Variants in KCMF1 observed in about 807,000 individuals in gnomAD.
KCMF1 encodes E3 ubiquitin-protein ligase KCMF1.
KCMF1 carries 3 observed loss-of-function variants against 41.1 expected under a neutral mutation model. That is an observed-to-expected ratio of 0.07 (90% CI 0.03 to 0.19). KCMF1 has a LOEUF of 0.19. Among genes scored for constraint, KCMF1 ranks in the 10% least tolerant of loss-of-function variants. The pLI is 1.00. For synonymous variants in KCMF1, 142 were observed against 164.5 expected (o/e 0.86, Z 1.04); for missense variants, 286 against 488.9 (o/e 0.58, Z 3.91).
At chr2:84,988,909 A>G (rs190286792) in intron 1 of KCMF1, among the ~76,000 whole-genome samples, 3 of 152,364 alleles carry the variant, frequency 2.0e-5, no homozygotes, top group Non-Finnish European at 1.5e-5. Flanking sequence ...GAGACTTTGT[A>G]TAAACAGATG....
intron 1 of KCMF1, among the ~76,000 whole-genome samples, chr2:85,011,173 C>A (rs1022750275): frequency 6.6e-6 from 1 of 152,102 alleles, no homozygotes; most frequent in Non-Finnish European, 1.5e-5. Flanking sequence ...TCTTGATGCT[C>A]AAATTGTCCC....
At chr2:84,984,233 T>C (rs1047025955) in intron 1 of KCMF1, among the ~76,000 whole-genome samples, 8 of 151,938 alleles carry the variant, frequency 5.3e-5, no homozygotes, top group African/African-American at 1.9e-4. Context: ...TAGAAGTTTC[T>C]TTGAAAAAAT....
intron 3 of KCMF1, among the ~76,000 whole-genome samples, chr2:85,035,499 T>A (rs1675385506): frequency 6.6e-6 from 1 of 152,230 alleles, no homozygotes. Context: ...GCTATCTGCT[T>A]AACTTTTCTT....
At chr2:84,979,641 C>T (rs1673653261) in intron 1 of KCMF1, among the ~76,000 whole-genome samples, 2 of 151,832 alleles carry the variant, frequency 1.3e-5, no homozygotes, top group African/African-American at 2.4e-5. Flanking sequence ...GAATGCTGTT[C>T]CTAATAAAAG....
chr2:85,046,385 T>G (rs1299931308), intron 5 of KCMF1, 107 bp downstream of exon 5: 19 of 792,044 alleles, frequency 2.4e-5, no homozygotes, highest in Non-Finnish European at 3.8e-5. Flanking sequence ...ATCCCAGCAC[T>G]CTGGGAGGCT....
At chr2:84,989,162 TGC>T (rs1673976489) in intron 1 of KCMF1, among the ~76,000 whole-genome samples, 1 of 152,178 alleles carries the variant, frequency 6.6e-6, no homozygotes, top group Non-Finnish European at 1.5e-5. Context: ...TGTGGAGATG[TGC>T]TGGGCACTGG....
chr2:85,019,016 C>T (rs1316464161), intron 1 of KCMF1, among the ~76,000 whole-genome samples: 3 of 151,944 alleles, frequency 2.0e-5, no homozygotes, highest in Non-Finnish European at 4.4e-5. Context: ...GGATTACAGG[C>T]GTGAGCCACC....
chr2:85,016,511 G>A (rs1488982319), intron 1 of KCMF1, among the ~76,000 whole-genome samples: 3 of 151,716 alleles, frequency 2.0e-5, no homozygotes, highest in Admixed American at 6.6e-5. Context: ...TGATTCTTAA[G>A]TAGAAGATGA....
chr2:85,006,295 CT>C (rs1163405427), intron 1 of KCMF1, among the ~76,000 whole-genome samples: 2,388 of 94,232 alleles, frequency 0.025, 19 homozygotes, highest in African/African-American at 0.1. Flanking sequence ...TTCTCATTTT[CT>C]TTTTTTTTTT....
At chr2:84,993,187 AG>A (rs1443343219) in intron 1 of KCMF1, among the ~76,000 whole-genome samples, 2 of 151,634 alleles carry the variant, frequency 1.3e-5, no homozygotes, top group East Asian at 3.9e-4. Flanking sequence ...ACCCTGTGTC[AG>A]AAAAAAAAAA....
intron 1 of KCMF1, among the ~76,000 whole-genome samples, chr2:85,007,726 A>C (rs1473847554): frequency 6.6e-6 from 1 of 152,152 alleles, no homozygotes; most frequent in African/African-American, 2.4e-5. Flanking sequence ...GTGTGATTTT[A>C]TGTATGTATG....
At chr2:84,980,232 G>A (rs1673695686) in intron 1 of KCMF1, among the ~76,000 whole-genome samples, 1 of 152,188 alleles carries the variant, frequency 6.6e-6, no homozygotes, top group Admixed American at 6.5e-5. Context: ...ACATGAGAAG[G>A]AAGTGAGGAG....
intron 1 of KCMF1, among the ~76,000 whole-genome samples, chr2:84,975,314 G>C (rs1234984556): frequency 6.6e-6 from 1 of 152,152 alleles, no homozygotes; most frequent in African/African-American, 2.4e-5. Flanking sequence ...CCCTAGACTG[G>C]CGCTTTAGAG....
chr2:84,996,281 A>C (rs1375581670), intron 1 of KCMF1, among the ~76,000 whole-genome samples: 1 of 152,158 alleles, frequency 6.6e-6, no homozygotes, highest in Non-Finnish European at 1.5e-5. Flanking sequence ...CTCCCTCTAA[A>C]GTAATGTCAC....
At chr2:85,028,485 T>C (rs1675172876) in intron 2 of KCMF1, among the ~76,000 whole-genome samples, 2 of 32,922 alleles carry the variant, frequency 6.1e-5, no homozygotes, top group Non-Finnish European at 1.4e-4. Context: ...GTGCCTGGCT[T>C]TTTTTTTTTT....
In KCMF1 at chr2:85,053,325, T is replaced by C. The variant is rs751847868; in HGVS notation, c.1062T>C (p.Asp354=). Residue 354 remains aspartate, a synonymous_variant, in exon 7 of 7, where the codon GAT becomes GAC. Transcript: ENST00000409785. The stretch of plus-strand genomic sequence containing the variant: ...ATTTTGGTGCTATGGGCTGTGTAGA[T>C]ATTATGCCTTTAGATGTTGCTTTAG... ...MADFGAMGCV[D]IMPLDVALEN... The C allele has an allele frequency of 4.3e-6, 7 of 1,613,838 alleles. No individual in the cohort carries two copies. Among genetic ancestry groups the C allele is most frequent in the Non-Finnish European group, 5.9e-6 (7 of 1,179,878 alleles).
chr2:84,988,174 G>T (rs536525174), intron 1 of KCMF1, among the ~76,000 whole-genome samples: 117 of 152,190 alleles, frequency 7.7e-4, no homozygotes, highest in Non-Finnish European at 1.4e-3. Context: ...AGAGGTTGCG[G>T]TGAGCCAAGA....
intron 1 of KCMF1, among the ~76,000 whole-genome samples, chr2:84,979,773 T>C (rs903741882): frequency 6.6e-6 from 1 of 152,144 alleles, no homozygotes; most frequent in Non-Finnish European, 1.5e-5. Flanking sequence ...TCATTAAAAT[T>C]GAGAAAAGAA....
chr2:85,005,149 C>T (rs1198144418), intron 1 of KCMF1, among the ~76,000 whole-genome samples: 2 of 152,086 alleles, frequency 1.3e-5, no homozygotes, highest in African/African-American at 2.4e-5. Flanking sequence ...TCACAAGATC[C>T]ACCCGCCTCA....
Sources: gnomAD v4.1 joint callset for allele counts (sites outside exome capture counted in the v4.1 genomes callset) on GRCh38, gnomAD v4.1.1 for gene constraint, MANE v1.5 for transcripts, NCBI Gene and HGNC (gene_info 2026-07-23, HGNC 2026-07-21) for gene names.